The following AGGF1 variants were observed in gnomAD, a reference collection of about 807,000 sequenced individuals.
AGGF1 encodes angiogenic factor with G patch and FHA domains 1.
Under a neutral mutation model 86.5 loss-of-function variants are expected in AGGF1, and 56 were observed. That is an observed-to-expected ratio of 0.65 (90% CI 0.52 to 0.81). AGGF1 has a LOEUF of 0.81. Among genes scored for constraint, AGGF1 ranks in the 30% least tolerant of loss-of-function variants. The pLI is 0.00. For missense variants in AGGF1, 816 were observed against 850.9 expected (o/e 0.96, Z 0.51); for synonymous variants, 313 against 297.1 (o/e 1.05, Z -0.55).
intron 5 of AGGF1, 31 bp from the exon 6 acceptor site, chr5:77,046,316 T>A (rs1747246828): frequency 1.3e-6 from 2 of 1,549,506 alleles, no homozygotes; most frequent in Non-Finnish European, 1.8e-6. Flanking sequence ...TATTCTCCCC[T>A]GTTCCCTCGT....
At chr5:77,040,637 A>G (rs1284977850) in intron 5 of AGGF1, among the ~76,000 whole-genome samples, 1 of 152,214 alleles carries the variant, frequency 6.6e-6, no homozygotes, top group Non-Finnish European at 1.5e-5. Flanking sequence ...AAAGAAGGAA[A>G]ATATAAAAAG....
intron 6 of AGGF1, among the ~76,000 whole-genome samples, chr5:77,047,768 T>A (rs968681378): frequency 6.6e-6 from 1 of 151,422 alleles, no homozygotes; most frequent in African/African-American, 2.4e-5. Context: ...TCTGCCTGCG[T>A]CGGCCCCCCA....
intron 7 of AGGF1, 38 bp downstream of exon 7, chr5:77,048,310 A>T (rs1427437651): frequency 9.6e-6 from 14 of 1,456,974 alleles, no homozygotes; most frequent in Non-Finnish European, 1.3e-5. Flanking sequence ...TCTTTCAGTT[A>T]TTTCAGAAAG....
chr5:77,034,594 T>G (rs1236151438), intron 2 of AGGF1, 74 bp downstream of exon 2: 3 of 1,050,736 alleles, frequency 2.9e-6, no homozygotes, highest in Non-Finnish European at 4.5e-6. Flanking sequence ...TTCTTTTAAT[T>G]TAAAATAAAC....
chr5:77,052,303 T>G (rs1747383934), intron 8 of AGGF1, among the ~76,000 whole-genome samples: 1 of 151,824 alleles, frequency 6.6e-6, no homozygotes, highest in Non-Finnish European at 1.5e-5. Flanking sequence ...CAGGAAGCGG[T>G]GATCACACCA....
Position 77,039,526 on chromosome 5 carries a change from C to A in AGGF1, c.682-5C>A. 1 of 1,589,844 alleles carries A rather than the reference C, an allele frequency of 6.3e-7. No individual in the cohort carries two copies. On this transcript the variant is annotated splice_region_variant and splice_polypyrimidine_tract_variant and intron_variant, in intron 4 of 13. Transcript: ENST00000312916. ...TAGAATTTATTTTTTTCTTGACTTT[C>A]AAAGGAAAATCAACTCTATTATGAT...
intron 5 of AGGF1, among the ~76,000 whole-genome samples, chr5:77,044,221 G>A (rs10474488): frequency 0.85 from 127,668 of 149,510 alleles, 54,655 homozygotes; most frequent in Non-Finnish European, 0.87. Context: ...TGGGAGGCCA[G>A]GGCAGGCGGC....
At chr5:77,035,197 A>C (rs1350231658) in intron 2 of AGGF1, among the ~76,000 whole-genome samples, 2 of 152,244 alleles carry the variant, frequency 1.3e-5, no homozygotes, top group Non-Finnish European at 2.9e-5. Context: ...AACAGTATTA[A>C]GGTATCCAGT....
rs765931475 is a variant in AGGF1 at position 77,059,739 on chromosome 5, C to G, written c.1840C>G (p.His614Asp). The change falls in exon 12 of 14, where the codon CAT becomes GAT. Residue 614 changes from histidine (H) to aspartate (D), a missense_variant. Coordinates refer to ENST00000312916, the MANE Select transcript of AGGF1 (RefSeq NM_018046.5). ...AAGAGATGATGCTCCTGCATCTGTTCATTCGTAAGTTTTGAATTACAGTGG... is the reference window on the plus strand; with the variant it reads ...AAGAGATGATGCTCCTGCATCTGTTGATTCGTAAGTTTTGAATTACAGTGG... ...FQRDDAPASV[H>D]SEITDSNKGR... 9 of 1,613,548 alleles carry G rather than the reference C, an allele frequency of 5.6e-6. No individual in the cohort carries two copies. The highest frequency in any genetic ancestry group is 7.6e-6 in the Non-Finnish European group (9 of 1,179,718).
intron 7 of AGGF1, 39 bp downstream of exon 7, chr5:77,048,311 T>C (rs1325748291): frequency 4.1e-6 from 6 of 1,447,696 alleles, no homozygotes; most frequent in East Asian, 2.3e-5. Context: ...CTTTCAGTTA[T>C]TTCAGAAAGG....
chr5:77,043,388 G>A (rs1747167006), intron 5 of AGGF1, among the ~76,000 whole-genome samples: 2 of 63,266 alleles, frequency 3.2e-5, no homozygotes, highest in African/African-American at 6.3e-5. Flanking sequence ...CCCGGACGGG[G>A]CGGCTGGCCG....
chr5:77,037,936 G>A (rs1374371867), intron 4 of AGGF1, among the ~76,000 whole-genome samples: 5 of 152,102 alleles, frequency 3.3e-5, no homozygotes, highest in Non-Finnish European at 5.9e-5. Flanking sequence ...ATTATATTTC[G>A]TTGAAGATTT....
At chr5:77,032,366 G>C (rs1746881466) in intron 1 of AGGF1, among the ~76,000 whole-genome samples, 1 of 151,232 alleles carries the variant, frequency 6.6e-6, no homozygotes. Flanking sequence ...AGAAGATCGA[G>C]ACCATCCTGG....
In AGGF1 at chr5:77,046,411, A is replaced by G; in HGVS notation, c.935A>G (p.Asn312Ser). Residue 312 changes from asparagine (N) to serine (S), a missense_variant, in exon 6 of 14, where the codon AAT becomes AGT. Asn to Ser is a conservative substitution (Grantham distance 46). Coordinates refer to ENST00000312916, the MANE Select transcript of AGGF1 (RefSeq NM_018046.5). ...CATACAAGCTGCAATGAGGAAGAAA[A>G]TTTCGCAAATATGAAAAAGAAGGCC... ...VEHTSCNEEENFANMKKKAKI... is the reference protein window; with the variant it reads ...VEHTSCNEEESFANMKKKAKI... 1 of 1,613,982 alleles carries G rather than the reference A, an allele frequency of 6.2e-7. No homozygotes were observed. The highest frequency in any genetic ancestry group is 8.5e-7 in the Non-Finnish European group (1 of 1,179,976).
At chr5:77,058,690 C>T (rs1203751731) in intron 11 of AGGF1, among the ~76,000 whole-genome samples, 3 of 152,172 alleles carry the variant, frequency 2.0e-5, no homozygotes, top group African/African-American at 4.8e-5. Flanking sequence ...CCTTGAGTTG[C>T]TCTCCAGTCC....
At chr5:77,047,945 T>G (rs1378314656) in intron 6 of AGGF1, among the ~76,000 whole-genome samples, 1 of 152,104 alleles carries the variant, frequency 6.6e-6, no homozygotes, top group East Asian at 1.9e-4. Context: ...TGATAGATGC[T>G]AAATATGCAG....
At chr5:77,034,373 G>A (rs370175758) in intron 1 of AGGF1, 45 bp from the exon 2 acceptor site, 1 of 1,184,496 alleles carries the variant, frequency 8.4e-7, no homozygotes, top group South Asian at 1.2e-5. Flanking sequence ...TATATTATTA[G>A]ATTGTTACAT....
In AGGF1 at chr5:77,030,914, C is replaced by T. The variant is rs2150725091; in HGVS notation, c.148C>T (p.Leu50=). The T allele has an allele frequency of 1.2e-6, 2 of 1,613,368 alleles. No individual in the cohort carries two copies. Among genetic ancestry groups the T allele is most frequent in the East Asian group, 2.2e-5 (1 of 44,888 alleles). The change falls in exon 1 of 14, where the codon CTG becomes TTG. Residue 50 remains leucine, a synonymous_variant. Coordinates refer to ENST00000312916, the MANE Select transcript of AGGF1 (RefSeq NM_018046.5). ...GCAGGTGCGGGAGATCGAGAAGCTG[C>T]TGCATCACACAGAACGGCTGTACCA... The part of the protein sequence containing the change: ...KRQVREIEKL[L]HHTERLYQNA...
chr5:77,049,944 CT>C (rs1170539246), intron 8 of AGGF1, among the ~76,000 whole-genome samples: 1 of 151,922 alleles, frequency 6.6e-6, no homozygotes, highest in Non-Finnish European at 1.5e-5. Flanking sequence ...TTGCTTTTCT[CT>C]TTTTTTGACC....
Sources: allele counts gnomAD v4.1 joint callset (sites outside exome capture counted in the v4.1 genomes callset), GRCh38; gene constraint gnomAD v4.1.1; transcripts MANE v1.5; gene names NCBI Gene and HGNC (gene_info 2026-07-23, HGNC 2026-07-21).